Variants in ADGRB3 observed in about 807,000 individuals in gnomAD.
ADGRB3 encodes brain-specific angiogenesis inhibitor 3.
A neutral mutation model predicts 193.4 loss-of-function variants in ADGRB3; 37 were observed. That is an observed-to-expected ratio of 0.19 (90% CI 0.15 to 0.25). The LOEUF (loss-of-function observed/expected upper bound fraction) is 0.25. Ranked by LOEUF, ADGRB3 falls within the 10% of genes least tolerant of loss-of-function variation. The pLI is 1.00. For synonymous variants in ADGRB3, 690 were observed against 644.2 expected (o/e 1.07, Z -1.08); for missense variants, 1,637 against 1,852.9 (o/e 0.88, Z 2.14).
intron 20 of ADGRB3, among the ~76,000 whole-genome samples, chr6:69,252,480 A>G (rs1461376716): frequency 6.6e-6 from 1 of 152,166 alleles, no homozygotes; most frequent in Non-Finnish European, 1.5e-5. Context: ...AAGAAAAAAT[A>G]CAAACTGCTG....
At chr6:68,798,731 A>T (rs1767259111) in intron 3 of ADGRB3, among the ~76,000 whole-genome samples, 1 of 152,210 alleles carries the variant, frequency 6.6e-6, no homozygotes, top group Non-Finnish European at 1.5e-5. Context: ...CTCAGTCTGG[A>T]GAGTAAAGAA....
intron 3 of ADGRB3, among the ~76,000 whole-genome samples, chr6:68,859,690 A>T (rs1309303396): frequency 6.6e-6 from 1 of 152,108 alleles, no homozygotes; most frequent in Non-Finnish European, 1.5e-5. Flanking sequence ...CATGGGAAAG[A>T]CCCACCCCTA....
Position 69,150,059 on chromosome 6 carries a change from C to T in ADGRB3, c.2480+74021C>T, listed in dbSNP as rs531521843. ...GGACTTCTCTGGGTCAGACCTGAAG[C>T]GAAAACAACAGCACTGTCTTGCCAA... On this transcript the variant is annotated intron_variant, in intron 17 of 31. Coordinates refer to ENST00000370598, the MANE Select transcript of ADGRB3 (RefSeq NM_001704.3). Among the ~76,000 whole-genome samples, 27 of 151,694 alleles carry T rather than the reference C, an allele frequency of 1.8e-4. No homozygotes were observed. In the East Asian group the frequency reaches 3.3e-3, roughly 19 times the overall value.
chr6:69,322,714 T>C (rs952107088), intron 20 of ADGRB3, among the ~76,000 whole-genome samples: 1 of 151,974 alleles, frequency 6.6e-6, no homozygotes, highest in African/African-American at 2.4e-5. Context: ...TTTTTCAAGA[T>C]CATAGTTTTT....
intron 17 of ADGRB3, among the ~76,000 whole-genome samples, chr6:69,081,133 T>G (rs1772375342): frequency 6.6e-6 from 1 of 152,012 alleles, no homozygotes; most frequent in Admixed American, 6.6e-5. Flanking sequence ...TAAGTTAAAT[T>G]TTTGGAATTT....
chr6:69,343,843 A>T (rs1171482027), intron 26 of ADGRB3, among the ~76,000 whole-genome samples: 1 of 152,204 alleles, frequency 6.6e-6, no homozygotes, highest in Admixed American at 6.6e-5. Context: ...GACAGAATTG[A>T]ATACAATGAG....
intron 3 of ADGRB3, among the ~76,000 whole-genome samples, chr6:68,817,304 CATGTATATATATATATATATATATATAT>C (rs60085438): frequency 0.021 from 1,189 of 57,128 alleles, 55 homozygotes; most frequent in African/African-American, 0.051. Flanking sequence ...CCCTTTTGTC[CATGTATATATATATATATATATATATAT>C]ATATATATAT....
intron 13 of ADGRB3, among the ~76,000 whole-genome samples, chr6:69,030,438 A>G (rs1395097860): frequency 6.6e-6 from 1 of 152,206 alleles, no homozygotes; most frequent in Non-Finnish European, 1.5e-5. Context: ...TGCAGCCATA[A>G]AAAAGGATGA....
intron 15 of ADGRB3, among the ~76,000 whole-genome samples, chr6:69,059,148 G>T (rs1771639931): frequency 6.6e-6 from 1 of 151,950 alleles, no homozygotes; most frequent in South Asian, 2.1e-4. Flanking sequence ...GACATTAGGT[G>T]CACATATATT....
intron 20 of ADGRB3, among the ~76,000 whole-genome samples, chr6:69,276,530 T>C (rs918224023): frequency 8.5e-5 from 13 of 152,180 alleles, no homozygotes; most frequent in African/African-American, 3.1e-4. Context: ...CATCAAGGTT[T>C]TCCACTTTTT....
intron 20 of ADGRB3, among the ~76,000 whole-genome samples, chr6:69,286,401 A>G (rs1435033270): frequency 6.6e-6 from 1 of 152,048 alleles, no homozygotes; most frequent in African/African-American, 2.4e-5. Flanking sequence ...TTCTACTTTC[A>G]ACTGTTCATG....
chr6:68,650,410 A>T (rs1193213837), intron 3 of ADGRB3, among the ~76,000 whole-genome samples: 1 of 152,042 alleles, frequency 6.6e-6, no homozygotes, highest in Non-Finnish European at 1.5e-5. Context: ...CATACATAAT[A>T]TTTATTTTCA....
chr6:68,685,330 G>A (rs1228136072), intron 3 of ADGRB3, among the ~76,000 whole-genome samples: 1 of 151,910 alleles, frequency 6.6e-6, no homozygotes, highest in Non-Finnish European at 1.5e-5. Flanking sequence ...AACAAAAAGT[G>A]AATTATATAT....
intron 10 of ADGRB3, among the ~76,000 whole-genome samples, chr6:68,986,686 T>G (rs1433528152): frequency 6.6e-6 from 1 of 152,108 alleles, no homozygotes; most frequent in Non-Finnish European, 1.5e-5. Flanking sequence ...GATTGTTGCT[T>G]TATGAAAAAA....
intron 15 of ADGRB3, among the ~76,000 whole-genome samples, chr6:69,059,360 T>G (rs75086733): frequency 0.077 from 11,768 of 152,194 alleles, 566 homozygotes; most frequent in Non-Finnish European, 0.11. Flanking sequence ...ATATACAAAG[T>G]GAGTCTGTTG....
In ADGRB3 at chr6:68,786,798, C is replaced by T. The variant is rs1310237575; in HGVS notation, c.758-143761C>T. 4.6e-5 allele frequency among the ~76,000 whole-genome samples: 7 copies of T among 151,380 alleles called. No individual in the cohort carries two copies. In the South Asian group the frequency reaches 1.3e-3, roughly 27 times the overall value. ...TTCCTACCCATGAGCATGGAATTTT[C>T]TTCCATTTGTTTGTATCCTCTTTTA... is the stretch of plus-strand genomic sequence containing the variant. On this transcript the variant is annotated intron_variant, in intron 3 of 31. Transcript: ENST00000370598.
At chr6:69,175,443 G>A (rs1168051446) in intron 17 of ADGRB3, among the ~76,000 whole-genome samples, 1 of 152,076 alleles carries the variant, frequency 6.6e-6, no homozygotes, top group African/African-American at 2.4e-5. Context: ...TAAATCAGAT[G>A]GCTGCAGGTG....
chr6:69,166,783 T>G (rs1225854662), intron 17 of ADGRB3, among the ~76,000 whole-genome samples: 1 of 152,142 alleles, frequency 6.6e-6, no homozygotes, highest in African/African-American at 2.4e-5. Context: ...TCCTTCCATC[T>G]TCATTAAAGA....
intron 6 of ADGRB3, among the ~76,000 whole-genome samples, chr6:68,950,168 C>A (rs1285757860): frequency 6.6e-6 from 1 of 152,082 alleles, no homozygotes. Flanking sequence ...ATCCTCCCAC[C>A]TCAGCCTCTT....
Sources: gnomAD v4.1 joint callset for allele counts (sites outside exome capture counted in the v4.1 genomes callset) on GRCh38, gnomAD v4.1.1 for gene constraint, MANE v1.5 for transcripts, NCBI Gene and HGNC (gene_info 2026-07-23, HGNC 2026-07-21) for gene names.